ACTN2: variants seen among roughly 807,000 people sequenced by gnomAD.
ACTN2 encodes the protein actinin alpha 2.
ACTN2 carries 39 observed loss-of-function variants against 113.8 expected under a neutral mutation model. The observed-to-expected ratio is 0.34, with a 90% confidence interval of 0.27 to 0.45. The LOEUF (loss-of-function observed/expected upper bound fraction) is 0.45, where lower values mean the gene tolerates loss of function less well. Among genes scored for constraint, ACTN2 ranks in the 20% least tolerant of loss-of-function variants. ACTN2 has a pLI of 1.00. For synonymous variants in ACTN2, 429 were observed against 444.1 expected (o/e 0.97, Z 0.43); for missense variants, 992 against 1,177.9 (o/e 0.84, Z 2.31).
At chr1:236,759,386 C>G (rs186871749) in intron 18 of ACTN2, among the ~76,000 whole-genome samples, 7 of 152,286 alleles carry the variant, frequency 4.6e-5, no homozygotes, top group Admixed American at 2.6e-4. Flanking sequence ...GCAGAACTTA[C>G]CATGTTTAGA....
intron 1 of ACTN2, among the ~76,000 whole-genome samples, chr1:236,702,048 G>A (rs1657693598): frequency 6.6e-6 from 1 of 152,188 alleles, no homozygotes; most frequent in African/African-American, 2.4e-5. Flanking sequence ...TTTCTATTCT[G>A]CAGTCCTAGG....
At position 236,754,987 on chromosome 1, in the gene ACTN2, T is replaced by C; in HGVS notation, c.1975-32T>C. The C allele has an allele frequency of 6.2e-7, 1 of 1,613,896 alleles. No homozygotes were observed. The highest frequency in any genetic ancestry group is 1.3e-5 in the African/African-American group (1 of 75,018). On this transcript the variant is annotated intron_variant, in intron 16 of 20. Coordinates refer to ENST00000366578, the MANE Select transcript of ACTN2 (RefSeq NM_001103.4). The surrounding 1 kb of genome is among the most constrained non-coding windows in gnomAD (Gnocchi z 4.9). Reference sequence around the variant, plus strand: ...CCCTTAGAGGGCACTTCACTCTGCTTCTCTCTCTGCTTGCTCACTCGCCCC... The same window carrying C: ...CCCTTAGAGGGCACTTCACTCTGCTCCTCTCTCTGCTTGCTCACTCGCCCC...
At chr1:236,757,770 A>G (rs1659593321) in intron 18 of ACTN2, 138 bp downstream of exon 18, 3 of 1,209,902 alleles carry the variant, frequency 2.5e-6, no homozygotes, top group Non-Finnish European at 3.6e-6. Flanking sequence ...ACAAAAGAAA[A>G]TAGCCACCAA....
In ACTN2 at chr1:236,742,933, A is replaced by G. The variant is rs766953315; in HGVS notation, c.1145A>G (p.Glu382Gly). ...GCCTGGCAGAGGCTGGAGCAGGCTG[A>G]GAAGGGTTACGAGGAGTGGTTGCTC... Reference protein sequence around the residue: ...AGAWQRLEQAEKGYEEWLLNE... With the variant: ...AGAWQRLEQAGKGYEEWLLNE... Residue 382 changes from glutamate (E) to glycine (G), a missense_variant, in exon 11 of 21, where the codon GAG becomes GGG. By Grantham distance (98) the Glu-to-Gly change is moderately conservative. This residue lies in a region of ACTN2 where 736 missense variants were observed against 815.4 expected (regional missense o/e 0.90). Transcript: ENST00000366578. 3 of 1,614,194 alleles carry G rather than the reference A, an allele frequency of 1.9e-6. No individual in the cohort carries two copies. The highest frequency in any genetic ancestry group is 3.3e-4 in the Middle Eastern group (2 of 6,062).
chr1:236,707,709 C>CTTTT (rs5781919), intron 1 of ACTN2, among the ~76,000 whole-genome samples: 5 of 78,766 alleles, frequency 6.3e-5, no homozygotes, highest in African/African-American at 1.5e-4. Context: ...TCTTTTTTTT[C>CTTTT]TTTTTTTTTT....
At position 236,763,840 on chromosome 1, in the gene ACTN2, T is replaced by TTGAA; in HGVS notation, c.*1224_*1227dup. On this transcript the variant is annotated 3_prime_UTR_variant, in exon 21 of 21. Transcript: ENST00000366578. The stretch of plus-strand genomic sequence containing the variant: ...ACTCCTGCTAGCACATCTTGATCTG[T>TTGAA]TGAATGTTCATTCTTTCTTTTTGCT... 1 of 152,382 alleles carries TTGAA rather than the reference T, an allele frequency of 6.6e-6. No individual in the cohort carries two copies. Among genetic ancestry groups the TTGAA allele is most frequent in the Non-Finnish European group, 1.5e-5 (1 of 68,036 alleles). 9.4% of individuals were successfully genotyped at this position (152,382 alleles called of 1,614,324 possible).
intron 1 of ACTN2, among the ~76,000 whole-genome samples, chr1:236,709,252 A>ATATATATG (rs1657933053): frequency 1.0e-5 from 1 of 95,260 alleles, no homozygotes; most frequent in South Asian, 3.2e-4. Context: ...ATATATATAT[A>ATATATATG]TATACACACA....
intron 1 of ACTN2, among the ~76,000 whole-genome samples, chr1:236,715,983 G>C (rs1010025250): frequency 6.6e-6 from 1 of 151,944 alleles, no homozygotes; most frequent in Non-Finnish European, 1.5e-5. Context: ...AATAAATAAA[G>C]TGGATGGCTT....
chr1:236,731,236 G>T lies in ACTN2; in HGVS notation c.619G>T (p.Asp207Tyr). ...LIDYSKLNKDDPIGNINLAME... is the reference protein window; with the variant it reads ...LIDYSKLNKDYPIGNINLAME... ...GACTGTCTTGGTTTTCATACAGGAT[G>T]ACCCCATAGGAAATATTAACCTGGC... Residue 207 changes from aspartate to tyrosine, a missense_variant, in exon 7 of 21, where the codon GAC (aspartate) becomes TAC (tyrosine). This residue lies in a region of ACTN2 where 220 missense variants were observed against 337.5 expected (regional missense o/e 0.65). Transcript: ENST00000366578. 1 of 1,611,462 alleles carries T rather than the reference G, an allele frequency of 6.2e-7. No homozygotes were observed. Among genetic ancestry groups the T allele is most frequent in the Non-Finnish European group, 8.5e-7 (1 of 1,177,688 alleles).
intron 18 of ACTN2, 89 bp from the exon 19 acceptor site, chr1:236,759,635 T>C: frequency 7.0e-6 from 8 of 1,136,162 alleles, no homozygotes; most frequent in Non-Finnish European, 1.1e-5. Flanking sequence ...TCAAAGTGCT[T>C]CTCTTACCAG....
chr1:236,740,257 G>GCA (rs1659029361), intron 10 of ACTN2, among the ~76,000 whole-genome samples: 1 of 151,968 alleles, frequency 6.6e-6, no homozygotes, highest in African/African-American at 2.4e-5. Context: ...GGGATTACAG[G>GCA]TGCCCGCCAC....
Position 236,762,355 on chromosome 1 carries a change from G to A in ACTN2, c.2527-106G>A, listed in dbSNP as rs530199356. ...ATGCCAATAGACTCCCTATTCTTTA[G>A]TCCTTTTAAAAAATTAAACAGATGC... On this transcript the variant is annotated intron_variant, in intron 20 of 20. Coordinates refer to ENST00000366578, the MANE Select transcript of ACTN2 (RefSeq NM_001103.4). The A allele has an allele frequency of 5.5e-5, 80 of 1,460,942 alleles. No individual in the cohort carries two copies. The East Asian group carries it at 7.7e-4, about 14-fold the overall frequency. 90.5% of individuals were successfully genotyped at this position (1,460,942 alleles called of 1,614,324 possible). A position where few individuals can be genotyped will look rare whatever the true frequency, so the allele number is the denominator to read the frequency against.
Position 236,754,819 on chromosome 1 carries a change from G to A in ACTN2, c.1975-200G>A, listed in dbSNP as rs1164124460. Among the ~76,000 whole-genome samples, 1 of 152,184 alleles carries A rather than the reference G, an allele frequency of 6.6e-6. No homozygotes were observed. Among genetic ancestry groups the A allele is most frequent in the East Asian group, 1.9e-4 (1 of 5,196 alleles). On this transcript the variant is annotated intron_variant, in intron 16 of 20. Transcript: ENST00000366578. The surrounding 1 kb of genome is among the most constrained non-coding windows in gnomAD (Gnocchi z 4.9). Reference sequence around the variant, plus strand: ...TGACTTTTTCCTCATTTTCTAGACAGACTAGAACTAGACCTTGTTTTGTTC... The same window carrying A: ...TGACTTTTTCCTCATTTTCTAGACAAACTAGAACTAGACCTTGTTTTGTTC...
At chr1:236,753,910 C>T (rs1415041893) in intron 15 of ACTN2, 37 bp from the exon 16 acceptor site, 2 of 1,598,308 alleles carry the variant, frequency 1.3e-6, no homozygotes, top group Admixed American at 3.4e-5. Flanking sequence ...GAGACCACAG[C>T]TGGCCTCTAA....
chr1:236,737,359 A>G (rs1467179511), intron 9 of ACTN2, 145 bp downstream of exon 9: 1 of 259,796 alleles, frequency 3.8e-6, no homozygotes, highest in Non-Finnish European at 7.9e-6. Context: ...GTAGGAAAAT[A>G]CACTTGATCT....
At chr1:236,746,165 CAAAAAA>C (rs55953102) in intron 12 of ACTN2, among the ~76,000 whole-genome samples, 2 of 80,410 alleles carry the variant, frequency 2.5e-5, no homozygotes, top group African/African-American at 9.1e-5. Flanking sequence ...GACTCCATCT[CAAAAAA>C]AAAAAAAAAA....
At chr1:236,728,186 C>T (rs1658611158) in intron 6 of ACTN2, among the ~76,000 whole-genome samples, 1 of 149,632 alleles carries the variant, frequency 6.7e-6, no homozygotes, top group South Asian at 2.1e-4. Context: ...CTCTGTTGCC[C>T]AAGCTGGAGT....
chr1:236,747,099 T>C (rs576702120), intron 12 of ACTN2, among the ~76,000 whole-genome samples: 1 of 152,282 alleles, frequency 6.6e-6, no homozygotes, highest in South Asian at 2.1e-4. Context: ...CCTTCACTCA[T>C]AGGGACATTG....
chr1:236,694,877 C>T (rs1657434318), intron 1 of ACTN2, among the ~76,000 whole-genome samples: 1 of 151,778 alleles, frequency 6.6e-6, no homozygotes, highest in Non-Finnish European at 1.5e-5. Context: ...GTGTCCTGGG[C>T]AACATAGAGA....
Sources: gnomAD v4.1 joint callset for allele counts (sites outside exome capture counted in the v4.1 genomes callset) on GRCh38, gnomAD v4.1.1 for gene constraint, gnomAD v4.1.1 regional missense constraint, Gnocchi (gnomAD v3.1) non-coding constraint, MANE v1.5 for transcripts, NCBI Gene and HGNC (gene_info 2026-07-23, HGNC 2026-07-21) for gene names.